The following ZNF226 variants were observed in gnomAD, a reference collection of about 807,000 sequenced individuals.
The protein encoded by ZNF226 is zinc finger protein 226, also known as Kruppel-associated box protein.
ZNF226 carries 6 observed loss-of-function variants against 11.4 expected under a neutral mutation model. The ratio of observed to expected loss-of-function variants is 0.53; its 90% CI spans 0.29 to 1.04. The LOEUF (loss-of-function observed/expected upper bound fraction) is 1.04, where lower values mean the gene tolerates loss of function less well. ZNF226 is among the 50% of genes least tolerant of loss of function. ZNF226 has a pLI of 0.08. For missense variants in ZNF226, 1,058 were observed against 956.5 expected, an observed-to-expected ratio of 1.11 and a Z score of -1.40; for synonymous variants, 350 against 322.8, an observed-to-expected ratio of 1.08 and a Z score of -0.90.
chr19:44,187,666 C>G, the ZNF226 span, among the ~76,000 whole-genome samples: 1 of 152,000 alleles, frequency 6.6e-6, no homozygotes, highest in East Asian at 1.9e-4. The surrounding 1 kb of genome is among the most constrained non-coding windows in gnomAD (Gnocchi z 4.0). Context: ...CTTCCGCTGA[C>G]TTTTGGTTTG....
downstream of ZNF226, among the ~76,000 whole-genome samples, chr19:44,181,384 G>GA (rs1045357249): frequency 1.3e-5 from 2 of 152,090 alleles, no homozygotes; most frequent in African/African-American, 2.4e-5. Flanking sequence ...ACTGTCTCAA[G>GA]AAAAAAATAA....
chr19:44,167,785 CAT>C (rs1410903328), intron 2 of ZNF226: 1 of 152,208 alleles, frequency 6.6e-6, no homozygotes, highest in African/African-American at 2.4e-5. Flanking sequence ...TCACCAGGAA[CAT>C]ACCTGTAACC....
At chr19:44,167,216 A>G (rs1969484487) in intron 2 of ZNF226, among the ~76,000 whole-genome samples, 1 of 151,430 alleles carries the variant, frequency 6.6e-6, no homozygotes, top group African/African-American at 2.4e-5. Flanking sequence ...AAGATCAGCT[A>G]CCTATTTATT....
chr19:44,168,180 C>A (rs1395548017), intron 2 of ZNF226, among the ~76,000 whole-genome samples: 1 of 150,980 alleles, frequency 6.6e-6, no homozygotes, highest in Admixed American at 6.6e-5. Context: ...CTGTCTCATT[C>A]TTGTTGATAA....
In ZNF226 at chr19:44,176,139, C is replaced by A; in HGVS notation, c.877C>A (p.Pro293Thr). 6.2e-7 allele frequency: 1 copy of A among 1,614,084 alleles called. No homozygotes were observed. The highest frequency in any genetic ancestry group is 2.2e-5 in the East Asian group (1 of 44,878). The change falls in exon 6 of 6, where the codon CCA (proline) becomes ACA (threonine). Residue 293 changes from proline to threonine, a missense_variant. By Grantham distance (38) the Pro-to-Thr change is conservative. Transcript: ENST00000337433. ...GCGTGGAAAAGGCTTCTGTTACAGC[C>A]CAGTTCTTCCTGTTCATCAGAAAGT... ...VERGKGFCYSPVLPVHQKVHV... is the reference protein window; with the variant it reads ...VERGKGFCYSTVLPVHQKVHV...
At chr19:44,192,533 T>C in the ZNF226 span, among the ~76,000 whole-genome samples, 1 of 146,524 alleles carries the variant, frequency 6.8e-6, no homozygotes, top group African/African-American at 2.7e-5. Context: ...TCAAAGCACC[T>C]AAGTAATCAA....
In ZNF226 at chr19:44,176,692, G is replaced by A. The variant is rs1243663497; in HGVS notation, c.1430G>A (p.Cys477Tyr). 74 of 1,613,976 alleles carry A rather than the reference G, an allele frequency of 4.6e-5. No homozygotes were observed. The highest frequency in any genetic ancestry group is 6.2e-5 in the Non-Finnish European group (73 of 1,180,020). Residue 477 changes from cysteine (C) to tyrosine (Y), a missense_variant, in exon 6 of 6, where the codon TGT (cysteine) becomes TAT (tyrosine). Coordinates refer to ENST00000337433, the MANE Select transcript of ZNF226 (RefSeq NM_001032373.2). ...GVHTGEKSYICTVCGKGFTLS... is the reference protein window; with the variant it reads ...GVHTGEKSYIYTVCGKGFTLS... ...CACACTGGAGAGAAGTCATACATAT[G>A]TACTGTATGTGGGAAAGGCTTTACT...
intron 5 of ZNF226, chr19:44,175,188 G>A (rs1326612451): frequency 7.0e-6 from 10 of 1,433,264 alleles, no homozygotes; most frequent in Non-Finnish European, 9.1e-6. Context: ...ACTACAAAAT[G>A]TTTTTCCTTA....
intron 5 of ZNF226, chr19:44,174,668 T>A (rs1258077930): frequency 4.8e-6 from 1 of 209,002 alleles, no homozygotes; most frequent in African/African-American, 2.3e-5. Flanking sequence ...CTATTAAATT[T>A]ATTTCACAAT....
At chr19:44,190,759 A>G in the ZNF226 span, among the ~76,000 whole-genome samples, 1 of 152,200 alleles carries the variant, frequency 6.6e-6, no homozygotes, top group Non-Finnish European at 1.5e-5. Context: ...AATACAACCA[A>G]TGTTTTTAAC....
rs1568566392 is a variant in ZNF226, at chr19:44,172,097, A to T, written c.25A>T (p.Thr9Ser). ...TTTGTTTTTGTCGTAGGAAGCAGTG[A>T]CCTTCAAGGACGTGGCTGTGGCCTT... The part of the protein sequence containing the change: MNMFKEAV[T>S]FKDVAVAFTE... Residue 9 changes from threonine to serine, a missense_variant, in exon 4 of 6, where the codon ACC becomes TCC. Transcript: ENST00000337433. 5 of 1,611,938 alleles carry T rather than the reference A, an allele frequency of 3.1e-6. No individual in the cohort carries two copies. The highest frequency in any genetic ancestry group is 4.2e-6 in the Non-Finnish European group (5 of 1,178,582).
downstream of ZNF226, among the ~76,000 whole-genome samples, chr19:44,178,891 C>T (rs979937947): frequency 1.3e-5 from 2 of 152,130 alleles, no homozygotes; most frequent in African/African-American, 4.8e-5. Context: ...AGTTTAAGAA[C>T]ATCACAGGCT....
chr19:44,173,203 A>G (rs140214754), intron 5 of ZNF226: 23 of 549,348 alleles, frequency 4.2e-5, no homozygotes, highest in Middle Eastern at 4.6e-4. Context: ...GACTTATTTT[A>G]CATAGAGTAA....
Position 44,172,075 on chromosome 19 carries a change from G to C in ZNF226, c.16-13G>C. ...ATTGGTTGTAAGATTGAGGTCATTT[G>C]TTTTTGTCGTAGGAAGCAGTGACCT... On this transcript the variant is annotated splice_polypyrimidine_tract_variant and intron_variant, in intron 3 of 5. Transcript: ENST00000337433. 1 of 1,608,366 alleles carries C rather than the reference G, an allele frequency of 6.2e-7. No individual in the cohort carries two copies. The highest frequency in any genetic ancestry group is 8.5e-7 in the Non-Finnish European group (1 of 1,176,324).
intron 3 of ZNF226, among the ~76,000 whole-genome samples, chr19:44,170,426 C>A (rs939442842): frequency 6.6e-6 from 1 of 151,858 alleles, no homozygotes; most frequent in Admixed American, 6.6e-5. Flanking sequence ...CATGGTGAAA[C>A]CCCATCTTTA....
At chr19:44,189,227 AAAAG>A in the ZNF226 span, among the ~76,000 whole-genome samples, 1 of 152,200 alleles carries the variant, frequency 6.6e-6, no homozygotes, top group Admixed American at 6.5e-5. Context: ...ACAAAGTTTA[AAAAG>A]AAAGATACGA....
chr19:44,177,434 G>A lies in ZNF226; in HGVS notation c.2172G>A (p.Glu724=). 1 of 1,614,036 alleles carries A rather than the reference G, an allele frequency of 6.2e-7. No individual in the cohort carries two copies. ...TTCATCAGAGTGTCCACACAGGAGA[G>A]AAACCATACAAATGTGATGTGTGTG... ...LQLHQSVHTG[E]KPYKCDVCGK... is the part of the protein sequence containing the mutation. The change falls in exon 6 of 6, where the codon GAG becomes GAA. Residue 724 remains glutamate (E), a synonymous_variant. Coordinates refer to ENST00000337433, the MANE Select transcript of ZNF226 (RefSeq NM_001032373.2).
chr19:44,199,429 T>G, the ZNF226 span, among the ~76,000 whole-genome samples: 2 of 152,214 alleles, frequency 1.3e-5, no homozygotes, highest in Non-Finnish European at 2.9e-5. Flanking sequence ...TACATCATGG[T>G]GCAGCTTCTC....
chr19:44,165,640 T>A (rs548764319), intron 1 of ZNF226, 117 bp from the exon 2 acceptor site: 1 of 152,240 alleles, frequency 6.6e-6, no homozygotes, highest in African/African-American at 2.4e-5. Context: ...GGATTGTCCC[T>A]GACCTCTTTT....
Sources: allele counts gnomAD v4.1 joint callset (sites outside exome capture counted in the v4.1 genomes callset), GRCh38; gene constraint gnomAD v4.1.1; non-coding constraint Gnocchi (gnomAD v3.1); transcripts MANE v1.5; gene names NCBI Gene and HGNC (gene_info 2026-07-23, HGNC 2026-07-21).